Variants in MRTFA observed in about 807,000 individuals in gnomAD.
The protein encoded by MRTFA is myocardin related transcription factor A.
In MRTFA, 20 loss-of-function variants were observed where a neutral mutation model predicts 83.5. The ratio of observed to expected loss-of-function variants is 0.24; its 90% confidence interval spans 0.17 to 0.35. The LOEUF (loss-of-function observed/expected upper bound fraction) is 0.35. Among genes scored for constraint, MRTFA ranks in the 10% least tolerant of loss-of-function variants. The pLI is 1.00. For synonymous variants in MRTFA, 659 were observed against 541.2 expected (o/e 1.22, Z -3.02); for missense variants, 1,200 against 1,224.7 (o/e 0.98, Z 0.30).
chr22:40,571,348 G>A (rs1335426878), intron 2 of MRTFA, among the ~76,000 whole-genome samples: 1 of 152,074 alleles, frequency 6.6e-6, no homozygotes, highest in Non-Finnish European at 1.5e-5. Flanking sequence ...TAATCTTCAT[G>A]ACCTTCAATT....
At chr22:40,509,261 G>A (rs1232227466) in intron 3 of MRTFA, among the ~76,000 whole-genome samples, 1 of 152,118 alleles carries the variant, frequency 6.6e-6, no homozygotes, top group Non-Finnish European at 1.5e-5. Flanking sequence ...CCCCTATTAG[G>A]GAAATCACTT....
chr22:40,601,398 TGACA>T (rs1280731384), intron 1 of MRTFA, among the ~76,000 whole-genome samples: 3 of 152,028 alleles, frequency 2.0e-5, no homozygotes, highest in African/African-American at 7.2e-5. Flanking sequence ...ATTTTTGTAG[TGACA>T]GAGTCTATTT....
At chr22:40,441,831 T>TATATAC (rs1555969039) in intron 4 of MRTFA, among the ~76,000 whole-genome samples, 7 of 147,960 alleles carry the variant, frequency 4.7e-5, no homozygotes, top group African/African-American at 1.7e-4. Flanking sequence ...TATATATATA[T>TATATAC]ACACACACAC....
intron 3 of MRTFA, among the ~76,000 whole-genome samples, chr22:40,542,746 T>C (rs1406317980): frequency 6.6e-6 from 1 of 152,226 alleles, no homozygotes; most frequent in Non-Finnish European, 1.5e-5. Context: ...GAACAGAATG[T>C]TATGTACCCC....
At chr22:40,509,901 G>A (rs2054638572) in intron 3 of MRTFA, among the ~76,000 whole-genome samples, 1 of 137,668 alleles carries the variant, frequency 7.3e-6, no homozygotes, top group Non-Finnish European at 1.5e-5. Context: ...GGCTCCCTCA[G>A]AGGGAGGAAC....
intron 2 of MRTFA, among the ~76,000 whole-genome samples, chr22:40,555,762 G>A (rs531469466): frequency 6.0e-5 from 9 of 151,026 alleles, no homozygotes; most frequent in South Asian, 2.1e-4. Context: ...TCAGCCTCCC[G>A]AGTAGCTGGG....
At chr22:40,519,454 C>T (rs529878837) in intron 3 of MRTFA, 517 of 1,336,342 alleles carry the variant, frequency 3.9e-4, no homozygotes, top group Non-Finnish European at 4.8e-4. Context: ...GTTGTTTTAG[C>T]GTTACCTACC....
At chr22:40,535,870 A>C (rs540358942) in intron 3 of MRTFA, among the ~76,000 whole-genome samples, 15 of 152,294 alleles carry the variant, frequency 9.8e-5, no homozygotes, top group African/African-American at 3.6e-4. Flanking sequence ...ACCACAGGAG[A>C]TATTGAGAGT....
At chr22:40,636,144 T>G (rs1424378889) in intron 1 of MRTFA, among the ~76,000 whole-genome samples, 1 of 152,118 alleles carries the variant, frequency 6.6e-6, no homozygotes, top group Non-Finnish European at 1.5e-5. Context: ...ACCCCGTCCC[T>G]GCAATCAAAA....
At chr22:40,422,145 A>AGAGGCAGAGGCAGAGAG (rs921355775) in intron 9 of MRTFA, among the ~76,000 whole-genome samples, 3 of 152,050 alleles carry the variant, frequency 2.0e-5, no homozygotes, top group African/African-American at 7.2e-5. Flanking sequence ...AGGCAGAGGC[A>AGAGGCAGAGGCAGAGAG]GAGGCAGAGG....
intron 1 of MRTFA, among the ~76,000 whole-genome samples, chr22:40,629,553 G>C (rs1341441151): frequency 6.6e-6 from 1 of 151,906 alleles, no homozygotes; most frequent in African/African-American, 2.4e-5. Flanking sequence ...CCTGAGGTCA[G>C]GAGTTCGAGA....
chr22:40,501,900 A>G (rs1173287320), intron 3 of MRTFA, among the ~76,000 whole-genome samples: 6 of 50,602 alleles, frequency 1.2e-4, no homozygotes, highest in Non-Finnish European at 1.8e-4. Context: ...GGCCGGGCAT[A>G]GGGGCTCCTC....
Position 40,417,329 on chromosome 22 carries a change from C to G in MRTFA, c.2517+12G>C. 6.2e-7 allele frequency: 1 copy of G among 1,609,118 alleles called. No individual in the cohort carries two copies. The highest frequency in any genetic ancestry group is 8.5e-7 in the Non-Finnish European group (1 of 1,178,718). ...CTGCCAACACTAGCCAGGCCTAGCC[C>G]GCCTTCCTCACCTGCTGTTTGGGCT... On this transcript the variant is annotated intron_variant, in intron 13 of 14. Transcript: ENST00000355630.
chr22:40,456,251 A>AG (rs1438828706), intron 4 of MRTFA, among the ~76,000 whole-genome samples: 3 of 152,052 alleles, frequency 2.0e-5, no homozygotes, highest in Admixed American at 6.6e-5. Flanking sequence ...AATTTTTAGC[A>AG]GGGGGGTATA....
chr22:40,608,838 G>T (rs1379032166), intron 1 of MRTFA, among the ~76,000 whole-genome samples: 1 of 152,160 alleles, frequency 6.6e-6, no homozygotes, highest in Non-Finnish European at 1.5e-5. Context: ...ACAGTAATGT[G>T]ATAATAACCA....
chr22:40,410,861 T>TA lies in MRTFA; in HGVS notation c.*528dup, dbSNP rs2052503346. The TA allele has an allele frequency of 4.3e-6, 1 of 233,072 alleles. No homozygotes were observed. The highest frequency in any genetic ancestry group is 8.5e-6 in the Non-Finnish European group (1 of 118,150). 14.4% of individuals were successfully genotyped at this position (233,072 alleles called of 1,614,324 possible). ...ACATAAAATTGTTGCCACCAACCAC[T>TA]AAATGGTTACACTACACCAAGACAC... On this transcript the variant is annotated 3_prime_UTR_variant, in exon 15 of 15. Transcript: ENST00000355630.
chr22:40,615,876 G>A (rs1410987423), intron 1 of MRTFA, among the ~76,000 whole-genome samples: 1 of 151,946 alleles, frequency 6.6e-6, no homozygotes, highest in African/African-American at 2.4e-5. Flanking sequence ...GTAGAGATGG[G>A]GTTTCGCCAC....
chr22:40,566,977 A>G (rs2055714644), intron 2 of MRTFA, among the ~76,000 whole-genome samples: 1 of 152,160 alleles, frequency 6.6e-6, no homozygotes, highest in Admixed American at 6.5e-5. Flanking sequence ...AAAATGTAAT[A>G]ATGTTGTTTT....
intron 3 of MRTFA, among the ~76,000 whole-genome samples, chr22:40,537,146 G>A (rs1241856907): frequency 2.2e-5 from 1 of 44,710 alleles, no homozygotes; most frequent in Non-Finnish European, 4.6e-5. Flanking sequence ...CAGCCGCCAC[G>A]TCCGGGAGGT....
Sources: gnomAD v4.1 joint callset for allele counts (sites outside exome capture counted in the v4.1 genomes callset) on GRCh38, gnomAD v4.1.1 for gene constraint, MANE v1.5 for transcripts, NCBI Gene and HGNC (gene_info 2026-07-23, HGNC 2026-07-21) for gene names.